Variants in ZNF169 observed in about 807,000 individuals in gnomAD.
ZNF169 encodes the protein zinc finger protein 169.
Under a neutral mutation model 12.0 loss-of-function variants are expected in ZNF169, and 11 were observed. The ratio of observed to expected loss-of-function variants is 0.92; its 90% CI spans 0.58 to 1.52. The LOEUF (loss-of-function observed/expected upper bound fraction) is 1.52. ZNF169 is among the 40% of genes most tolerant of loss of function. ZNF169 has a pLI of 0.00. For missense variants in ZNF169, 722 were observed against 744.0 expected (o/e 0.97, Z 0.34); for synonymous variants, 302 against 286.5 (o/e 1.05, Z -0.55).
intron 2 of ZNF169, among the ~76,000 whole-genome samples, chr9:94,289,375 G>C (rs982453725): frequency 1.3e-5 from 2 of 152,158 alleles, no homozygotes; most frequent in Non-Finnish European, 2.9e-5. Flanking sequence ...CTCCAGCCTA[G>C]GTGTCAGAGT....
chr9:94,285,278 TG>T (rs1249572272), intron 2 of ZNF169, among the ~76,000 whole-genome samples: 1 of 151,980 alleles, frequency 6.6e-6, no homozygotes, highest in Non-Finnish European at 1.5e-5. Context: ...ATTTTAGAAC[TG>T]AAATAAAAAG....
Position 94,299,930 on chromosome 9 carries a change from T to G in ZNF169, c.372T>G (p.Ser124=). Residue 124 remains serine (S), a synonymous_variant, in exon 5 of 5, where the codon TCT becomes TCG. Coordinates refer to ENST00000395395, the MANE Select transcript of ZNF169 (RefSeq NM_194320.4). ...CCACACAGATCTTCCCAAGCTCATC[T>G]GCAGGAGGTGACTTCCAACTAGAAG... ...GHPTQIFPSS[S]AGGDFQLEAP... is the part of the protein sequence containing the mutation. The G allele has an allele frequency of 6.2e-7, 1 of 1,614,134 alleles. No individual in the cohort carries two copies. Among genetic ancestry groups the G allele is most frequent in the Non-Finnish European group, 8.5e-7 (1 of 1,180,030 alleles).
intron 1 of ZNF169, among the ~76,000 whole-genome samples, chr9:94,259,802 A>G (rs1487470276): frequency 2.6e-5 from 4 of 152,210 alleles, no homozygotes; most frequent in Admixed American, 6.5e-5. Flanking sequence ...TTTGGAGGAC[A>G]TGATATCCTC....
At chr9:94,291,906 A>G (rs1329653385) in intron 2 of ZNF169, among the ~76,000 whole-genome samples, 2 of 152,232 alleles carry the variant, frequency 1.3e-5, no homozygotes, top group African/African-American at 2.4e-5. Flanking sequence ...CACCAAATTG[A>G]TATACAGGTT....
chr9:94,299,504 A>C (rs969849914), intron 4 of ZNF169: 32 of 1,270,420 alleles, frequency 2.5e-5, no homozygotes, highest in Non-Finnish European at 3.1e-5. Flanking sequence ...AATGTTTCTC[A>C]GGCAAGGTTT....
intron 2 of ZNF169, among the ~76,000 whole-genome samples, chr9:94,289,880 A>G (rs2118634879): frequency 6.6e-6 from 1 of 152,362 alleles, no homozygotes. Flanking sequence ...CCCATGAGAA[A>G]TTTGTAAAGA....
intron 2 of ZNF169, chr9:94,288,436 A>G: frequency 8.7e-7 from 1 of 1,149,446 alleles, no homozygotes; most frequent in Non-Finnish European, 1.3e-6. Context: ...TGTAAATTCC[A>G]ATCCATTCTT....
intron 1 of ZNF169, among the ~76,000 whole-genome samples, chr9:94,260,905 C>T (rs1257179068): frequency 3.4e-5 from 5 of 148,478 alleles, no homozygotes; most frequent in African/African-American, 1.2e-4. Context: ...ACTGCAACCA[C>T]GGCCTCCCGG....
At chr9:94,296,406 T>C (rs1316916987) in intron 4 of ZNF169, among the ~76,000 whole-genome samples, 4 of 152,236 alleles carry the variant, frequency 2.6e-5, no homozygotes, top group African/African-American at 9.6e-5. Flanking sequence ...TGAATTGCAG[T>C]TTTGGTAGTG....
intron 2 of ZNF169, among the ~76,000 whole-genome samples, chr9:94,285,729 G>T (rs1197371782): frequency 6.6e-6 from 1 of 152,118 alleles, no homozygotes; most frequent in Non-Finnish European, 1.5e-5. Context: ...ATAAGAATTG[G>T]CCAGGCACGG....
chr9:94,288,051 C>G (rs1830752200), intron 2 of ZNF169: 2 of 779,918 alleles, frequency 2.6e-6, no homozygotes, highest in Non-Finnish European at 4.7e-6. Flanking sequence ...TACACTGTTG[C>G]TCTAGGTCAC....
At chr9:94,289,684 G>A (rs1394051419) in intron 2 of ZNF169, among the ~76,000 whole-genome samples, 1 of 152,052 alleles carries the variant, frequency 6.6e-6, no homozygotes, top group Admixed American at 6.6e-5. Context: ...TGGCTACTCA[G>A]GACGCTGAGG....
chr9:94,265,347 A>G (rs991469131), intron 1 of ZNF169, among the ~76,000 whole-genome samples: 6 of 152,110 alleles, frequency 3.9e-5, no homozygotes, highest in Admixed American at 3.9e-4. Context: ...TGGGAGGCTG[A>G]GGCAGGCGGA....
chr9:94,283,785 G>T (rs561370619), intron 2 of ZNF169, among the ~76,000 whole-genome samples: 3 of 152,054 alleles, frequency 2.0e-5, no homozygotes, highest in Admixed American at 2.0e-4. Context: ...AGTATAATAT[G>T]AGGCCGGGTG....
chr9:94,292,587 G>A, intron 3 of ZNF169, 120 bp downstream of exon 3: 1 of 1,272,654 alleles, frequency 7.9e-7, no homozygotes, highest in Non-Finnish European at 1.1e-6. Flanking sequence ...CCCAGAGAAT[G>A]CCTGGCTTTC....
At position 94,292,380 on chromosome 9, in the gene ZNF169, C is replaced by T; in HGVS notation, c.73C>T (p.Gln25Ter). ...AFRDVAVAFT[Q>*]KEWKLLSSAQ... is the part of the protein sequence containing the mutation. ...CCGGGATGTGGCTGTGGCCTTCACC[C>T]AGAAGGAGTGGAAGCTATTGAGTTC... Residue 25 changes from glutamine to a stop codon, truncating the protein, a stop_gained, in exon 3 of 5, where the codon CAG becomes TAG. Coordinates refer to ENST00000395395, the MANE Select transcript of ZNF169 (RefSeq NM_194320.4). LOFTEE classifies it high-confidence loss of function. The T allele has an allele frequency of 6.2e-7, 1 of 1,614,084 alleles. No homozygotes were observed. The highest frequency in any genetic ancestry group is 8.5e-7 in the Non-Finnish European group (1 of 1,180,004).
At chr9:94,294,638 T>G (rs951924737) in intron 4 of ZNF169, 1 of 152,204 alleles carries the variant, frequency 6.6e-6, no homozygotes, top group African/African-American at 2.4e-5. Context: ...TTTATCCATC[T>G]ATTCAGCTGG....
rs1831055273 is a variant in ZNF169 at position 94,300,857 on chromosome 9, C to T, written c.1299C>T (p.Pro433=). 2.5e-6 allele frequency: 4 copies of T among 1,611,686 alleles called. No individual in the cohort carries two copies. The highest frequency in any genetic ancestry group is 2.2e-5 in the East Asian group (1 of 44,670). Reference sequence around the variant, plus strand: ...CAGGGGAGAAGCCTTACCTGTGCCCCCAGTGTGGGCGGGGTTTTAGCCAGA... The same window carrying T: ...CAGGGGAGAAGCCTTACCTGTGCCCTCAGTGTGGGCGGGGTTTTAGCCAGA... ...THTGEKPYLC[P]QCGRGFSQKV... The change falls in exon 5 of 5, where the codon CCC becomes CCT. Residue 433 remains proline (P), a synonymous_variant. Transcript: ENST00000395395.
At chr9:94,276,737 C>T (rs922504770) in intron 1 of ZNF169, among the ~76,000 whole-genome samples, 6 of 152,136 alleles carry the variant, frequency 3.9e-5, no homozygotes, top group African/African-American at 1.4e-4. Flanking sequence ...TCTATAAGAG[C>T]TCTTTTTATT....
Sources: gnomAD v4.1 joint callset for allele counts (sites outside exome capture counted in the v4.1 genomes callset) on GRCh38, gnomAD v4.1.1 for gene constraint, MANE v1.5 for transcripts, NCBI Gene and HGNC (gene_info 2026-07-23, HGNC 2026-07-21) for gene names.